GRM7: variants seen among roughly 807,000 people sequenced by gnomAD.
The protein encoded by GRM7 is metabotropic glutamate receptor 7.
A neutral mutation model predicts 84.5 loss-of-function variants in GRM7; 35 were observed. The ratio of observed to expected loss-of-function variants is 0.41; its 90% confidence interval spans 0.32 to 0.55. The LOEUF (loss-of-function observed/expected upper bound fraction) is 0.55. GRM7 is among the 20% of genes least tolerant of loss of function. GRM7 has a pLI of 0.19. For synonymous variants in GRM7, 487 were observed against 455.1 expected (o/e 1.07, Z -0.89); for missense variants, 1,003 against 1,194.6 (o/e 0.84, Z 2.36).
intron 9 of GRM7, among the ~76,000 whole-genome samples, chr3:7,696,770 A>C (rs1274213745): frequency 6.6e-6 from 1 of 152,212 alleles, no homozygotes; most frequent in East Asian, 1.9e-4. Context: ...CAGTACAGGC[A>C]AAGGACTGAA....
chr3:7,369,690 T>C (rs1694054322), intron 4 of GRM7, among the ~76,000 whole-genome samples: 1 of 152,158 alleles, frequency 6.6e-6, no homozygotes, highest in Admixed American at 6.6e-5. Context: ...TTGTTCTTTT[T>C]CCAACTAAAG....
rs147626507 is a variant in GRM7 at position 6,892,106 on chromosome 3, G to A, written c.519+30199G>A. The stretch of plus-strand genomic sequence containing the variant: ...CATCAGCTCCTTTAAGCACTTCTCT[G>A]TATTGGTTATTCTAGTTATACATTC... On this transcript the variant is annotated intron_variant, in intron 1 of 9. Coordinates refer to ENST00000357716, the MANE Select transcript of GRM7 (RefSeq NM_000844.4). 3.9e-3 allele frequency among the ~76,000 whole-genome samples: 594 copies of A among 152,116 alleles called. 2 individuals carry two copies. Among genetic ancestry groups the A allele is most frequent in the Non-Finnish European group, 6.3e-3 (429 of 68,002 alleles).
chr3:7,688,690 T>C (rs1700678701), intron 9 of GRM7, among the ~76,000 whole-genome samples: 1 of 152,174 alleles, frequency 6.6e-6, no homozygotes, highest in African/African-American at 2.4e-5. Context: ...TGATTGCTTT[T>C]GGGGAGACAA....
chr3:7,611,624 T>G (rs1334676975), intron 8 of GRM7, among the ~76,000 whole-genome samples: 1 of 152,190 alleles, frequency 6.6e-6, no homozygotes, highest in Admixed American at 6.5e-5. Flanking sequence ...ATAAGGAAAC[T>G]GGAGCCCAAC....
chr3:7,430,479 G>C (rs1360853426), intron 5 of GRM7, among the ~76,000 whole-genome samples: 1 of 152,230 alleles, frequency 6.6e-6, no homozygotes, highest in Non-Finnish European at 1.5e-5. Flanking sequence ...TCTAACATCA[G>C]AGAAGATATG....
chr3:7,019,099 G>T (rs1695677673), intron 1 of GRM7, among the ~76,000 whole-genome samples: 1 of 152,026 alleles, frequency 6.6e-6, no homozygotes. Flanking sequence ...CTCCATCTCA[G>T]AAAAAAATGA....
At chr3:6,981,724 G>A (rs1261174131) in intron 1 of GRM7, among the ~76,000 whole-genome samples, 2 of 151,934 alleles carry the variant, frequency 1.3e-5, no homozygotes, top group Admixed American at 1.3e-4. Flanking sequence ...TCAGAGAAAC[G>A]CAAATCAAAA....
chr3:7,267,609 C>G (rs1361867888), intron 2 of GRM7, among the ~76,000 whole-genome samples: 1 of 152,166 alleles, frequency 6.6e-6, no homozygotes, highest in African/African-American at 2.4e-5. Context: ...TGAGTATAAC[C>G]AGGGAAGAAG....
At chr3:7,103,362 A>T (rs1699176203) in intron 1 of GRM7, among the ~76,000 whole-genome samples, 1 of 151,784 alleles carries the variant, frequency 6.6e-6, no homozygotes, top group South Asian at 2.1e-4. Context: ...CAGATTCTAA[A>T]TTCTGCCTCT....
Position 7,146,524 on chromosome 3 carries a change from G to C in GRM7, c.592G>C (p.Val198Leu). The C allele has an allele frequency of 6.2e-7, 1 of 1,613,982 alleles. No homozygotes were observed. The highest frequency in any genetic ancestry group is 8.5e-7 in the Non-Finnish European group (1 of 1,179,958). The change falls in exon 2 of 10, where the codon GTG (valine) becomes CTG (leucine). Residue 198 changes from valine to leucine, a missense_variant. This residue lies in a region of GRM7 where 910 missense variants were observed against 1,126.0 expected (regional missense o/e 0.81). Coordinates refer to ENST00000357716, the MANE Select transcript of GRM7 (RefSeq NM_000844.4). ...DDRRYDFFSR[V>L]VPPDSFQAQA... ...CCGGCGCTATGACTTCTTCTCTCGC[G>C]TGGTGCCACCCGATTCCTTCCAAGC...
intron 7 of GRM7, among the ~76,000 whole-genome samples, chr3:7,543,841 A>G (rs1419045759): frequency 2.6e-5 from 4 of 152,202 alleles, no homozygotes; most frequent in Non-Finnish European, 5.9e-5. Context: ...CACTTGAGTT[A>G]CCTTTAAATG....
chr3:7,048,498 A>C (rs1257241645), intron 1 of GRM7, among the ~76,000 whole-genome samples: 1 of 151,922 alleles, frequency 6.6e-6, no homozygotes, highest in Non-Finnish European at 1.5e-5. Context: ...TTAAAGAAAA[A>C]AAAAAGATGC....
intron 8 of GRM7, among the ~76,000 whole-genome samples, chr3:7,630,294 C>A (rs1697809335): frequency 6.8e-6 from 1 of 147,974 alleles, no homozygotes; most frequent in African/African-American, 2.4e-5. Context: ...GCTAAGGAAT[C>A]TTCCCTGAGT....
chr3:7,298,391 T>A (rs1399970685), intron 2 of GRM7, among the ~76,000 whole-genome samples: 1 of 152,216 alleles, frequency 6.6e-6, no homozygotes, highest in Non-Finnish European at 1.5e-5. Context: ...AGCCACTTTT[T>A]CTTCCTACCT....
At chr3:7,331,748 T>G (rs1052545356) in intron 4 of GRM7, among the ~76,000 whole-genome samples, 2 of 152,156 alleles carry the variant, frequency 1.3e-5, no homozygotes, top group African/African-American at 2.4e-5. Context: ...ATAAAAGCAG[T>G]CTCTTTTCTG....
chr3:7,173,109 C>T (rs1482766219), intron 2 of GRM7, among the ~76,000 whole-genome samples: 1 of 152,148 alleles, frequency 6.6e-6, no homozygotes, highest in East Asian at 1.9e-4. Flanking sequence ...CCAAGGTCAC[C>T]AAGCTGGGAA....
At chr3:6,930,021 T>C (rs1697446298) in intron 1 of GRM7, among the ~76,000 whole-genome samples, 1 of 152,138 alleles carries the variant, frequency 6.6e-6, no homozygotes, top group Non-Finnish European at 1.5e-5. Flanking sequence ...TGGAATGAAA[T>C]AAAGCTAATG....
chr3:7,288,979 A>G (rs548217682), intron 2 of GRM7, among the ~76,000 whole-genome samples: 39 of 152,338 alleles, frequency 2.6e-4, no homozygotes, highest in African/African-American at 8.9e-4. Flanking sequence ...AATGATAAAA[A>G]TGCCTGCTTT....
At chr3:7,254,488 A>G (rs1241566437) in intron 2 of GRM7, among the ~76,000 whole-genome samples, 1 of 152,232 alleles carries the variant, frequency 6.6e-6, no homozygotes, top group African/African-American at 2.4e-5. Context: ...AGTTTCCTGT[A>G]CAGGGCCATG....
Sources: gnomAD v4.1 joint callset for allele counts (sites outside exome capture counted in the v4.1 genomes callset) on GRCh38, gnomAD v4.1.1 for gene constraint, gnomAD v4.1.1 regional missense constraint, MANE v1.5 for transcripts, NCBI Gene and HGNC (gene_info 2026-07-23, HGNC 2026-07-21) for gene names.